The following CFAP20DC variants were observed in gnomAD, a reference collection of about 807,000 sequenced individuals.
The protein encoded by CFAP20DC is protein CFAP20DC.
In CFAP20DC, 84 loss-of-function variants were observed where a neutral mutation model predicts 101.7. The observed-to-expected ratio is 0.83, with a 90% CI of 0.69 to 0.99. The LOEUF (loss-of-function observed/expected upper bound fraction) is 0.99. Ranked by LOEUF, CFAP20DC falls within the 50% of genes least tolerant of loss-of-function variation. The probability of loss-of-function intolerance (pLI) is 0.00; values close to 1 mark genes in which losing one functional copy is unlikely to be tolerated. For missense variants in CFAP20DC, 1,007 were observed against 970.3 expected (o/e 1.04, Z -0.50); for synonymous variants, 359 against 351.2 (o/e 1.02, Z -0.25).
intron 13 of CFAP20DC, among the ~76,000 whole-genome samples, chr3:58,838,595 TA>T (rs1453457785): frequency 6.6e-6 from 1 of 152,088 alleles, no homozygotes; most frequent in Admixed American, 6.5e-5. Context: ...AAAGGTTTTG[TA>T]AAAAAAGATC....
intron 4 of CFAP20DC, among the ~76,000 whole-genome samples, chr3:59,009,173 C>G (rs1201392459): frequency 6.6e-6 from 1 of 152,062 alleles, no homozygotes; most frequent in Non-Finnish European, 1.5e-5. Flanking sequence ...TAAAAAACCA[C>G]AGTCCAACCA....
chr3:58,920,968 G>A (rs951956629), intron 5 of CFAP20DC, among the ~76,000 whole-genome samples: 3 of 152,000 alleles, frequency 2.0e-5, no homozygotes, highest in South Asian at 4.1e-4. Flanking sequence ...ATAGTTATAA[G>A]GCTATCCACA....
At chr3:58,839,869 T>G (rs2108157591) in intron 13 of CFAP20DC, among the ~76,000 whole-genome samples, 1 of 152,340 alleles carries the variant, frequency 6.6e-6, no homozygotes, top group South Asian at 2.1e-4. Flanking sequence ...TAGTGACTAC[T>G]GCTATTCCAT....
In CFAP20DC at chr3:58,821,763, A is replaced by G. The variant is rs1450259410; in HGVS notation, c.2175+9923T>C. Among the ~76,000 whole-genome samples, 1,421 of 149,100 alleles carry G rather than the reference A, an allele frequency of 9.5e-3. 24 individuals carry two copies. The highest frequency in any genetic ancestry group is 0.033 in the African/African-American group (1,312 of 39,918). On this transcript the variant is annotated intron_variant, in intron 14 of 16. Coordinates refer to ENST00000482387, the MANE Select transcript of CFAP20DC (RefSeq NM_001394063.1). ...GATTCCTCAGGGATCTAGAACTAGAAATACCATTTGACCCAGCCATCCCAT... is the reference window on the plus strand; with the variant it reads ...GATTCCTCAGGGATCTAGAACTAGAGATACCATTTGACCCAGCCATCCCAT...
chr3:58,742,554 A>C lies in CFAP20DC; in HGVS notation c.2351T>G (p.Val784Gly). Residue 784 changes from valine to glycine, a missense_variant, in exon 17 of 17, where the codon GTG becomes GGG. Val to Gly is a moderately radical substitution (Grantham distance 109, BLOSUM62 -3). Coordinates refer to ENST00000482387, the MANE Select transcript of CFAP20DC (RefSeq NM_001394063.1). The part of the protein sequence containing the change: ...LSVQGEEDLS[V>G]EEDEEVLTLL... ...AGTCAGTACTTCCTCGTCCTCTTCC[A>C]CACTGAGGTCTTCTTCACCTGTGGG... 6.2e-7 allele frequency: 1 copy of C among 1,602,690 alleles called. No individual in the cohort carries two copies. Among genetic ancestry groups the C allele is most frequent in the Non-Finnish European group, 8.5e-7 (1 of 1,174,234 alleles).
chr3:58,912,600 C>A lies in CFAP20DC; in HGVS notation c.550+1108G>T, dbSNP rs1275814899. ...CTTATATGCAGCCCTGCTTCCTGGA[C>A]TTCTAGAAGAATTGATTTAACAAAT... On this transcript the variant is annotated intron_variant, in intron 6 of 16. Coordinates refer to ENST00000482387, the MANE Select transcript of CFAP20DC (RefSeq NM_001394063.1). The surrounding 1 kb of genome is among the most constrained non-coding windows in gnomAD (Gnocchi z 4.4). 2.5e-6 allele frequency: 1 copy of A among 403,288 alleles called. No individual in the cohort carries two copies. Among genetic ancestry groups the A allele is most frequent in the East Asian group, 7.2e-5 (1 of 13,892 alleles). The allele number at this position is 403,288 out of a possible 1,614,324, so 25.0% of individuals were successfully genotyped here. A position where few individuals can be genotyped will look rare whatever the true frequency, so the allele number is the denominator to read the frequency against.
At chr3:58,747,631 CATACTAAT>C (rs2068297603) in intron 16 of CFAP20DC, among the ~76,000 whole-genome samples, 1 of 152,090 alleles carries the variant, frequency 6.6e-6, no homozygotes, top group Non-Finnish European at 1.5e-5. Context: ...TTTTTATGTG[CATACTAAT>C]ACACTATTGT....
chr3:59,026,633 C>G (rs971417474), intron 4 of CFAP20DC, among the ~76,000 whole-genome samples: 2 of 152,016 alleles, frequency 1.3e-5, no homozygotes, highest in African/African-American at 4.8e-5. Context: ...TGAGGAAGAC[C>G]GATGACATAT....
intron 13 of CFAP20DC, among the ~76,000 whole-genome samples, chr3:58,837,496 G>A (rs1302773934): frequency 1.3e-5 from 2 of 152,130 alleles, no homozygotes; most frequent in Non-Finnish European, 2.9e-5. Flanking sequence ...GGCTTCTGGG[G>A]TACTGATCTT....
chr3:59,000,877 A>C (rs1343119339), intron 4 of CFAP20DC, among the ~76,000 whole-genome samples: 1 of 152,234 alleles, frequency 6.6e-6, no homozygotes, highest in Non-Finnish European at 1.5e-5. Flanking sequence ...GAAAAATATC[A>C]CAGTTTGGAA....
At chr3:58,988,877 G>A (rs1469353725) in intron 4 of CFAP20DC, among the ~76,000 whole-genome samples, 1 of 151,988 alleles carries the variant, frequency 6.6e-6, no homozygotes, top group Non-Finnish European at 1.5e-5. Flanking sequence ...ATGATAATTT[G>A]CCAAGAGACC....
At chr3:58,936,783 G>A (rs1282602684) in intron 5 of CFAP20DC, among the ~76,000 whole-genome samples, 6 of 152,110 alleles carry the variant, frequency 3.9e-5, no homozygotes, top group African/African-American at 1.2e-4. Context: ...GTGGGGTTAG[G>A]GGACGGGGAG....
chr3:58,812,867 T>G (rs943954968), intron 14 of CFAP20DC, among the ~76,000 whole-genome samples: 2 of 151,882 alleles, frequency 1.3e-5, no homozygotes, highest in Non-Finnish European at 2.9e-5. Flanking sequence ...TTAAAGTTCA[T>G]GTATTGAAAT....
intron 4 of CFAP20DC, chr3:59,018,970 T>A (rs1015240945): frequency 6.6e-6 from 1 of 152,052 alleles, no homozygotes; most frequent in South Asian, 2.1e-4. Context: ...AGAAAAACTG[T>A]AAAGGCAAAT....
intron 14 of CFAP20DC, among the ~76,000 whole-genome samples, chr3:58,825,538 A>ACACACAC (rs2075982570): frequency 2.7e-5 from 4 of 149,712 alleles, no homozygotes; most frequent in Non-Finnish European, 4.5e-5. Flanking sequence ...AAAAAAAGAA[A>ACACACAC]ACACACACAC....
chr3:58,936,672 G>A (rs2087684713), intron 5 of CFAP20DC, among the ~76,000 whole-genome samples: 1 of 152,130 alleles, frequency 6.6e-6, no homozygotes, highest in East Asian at 1.9e-4. Context: ...ACTATCGCAA[G>A]GACGGAAAAC....
chr3:58,810,914 G>T (rs9864913), intron 14 of CFAP20DC, among the ~76,000 whole-genome samples: 1 of 151,184 alleles, frequency 6.6e-6, no homozygotes, highest in Admixed American at 6.6e-5. Context: ...CCAATAACAG[G>T]CAAACAGAGA....
intron 3 of CFAP20DC, among the ~76,000 whole-genome samples, chr3:58,736,081 A>T (rs2067748190): frequency 6.6e-6 from 1 of 152,214 alleles, no homozygotes; most frequent in South Asian, 2.1e-4. Context: ...AGATATTATA[A>T]GTATACTGTC....
intron 16 of CFAP20DC, among the ~76,000 whole-genome samples, chr3:58,750,963 A>G (rs1056313138): frequency 6.6e-5 from 10 of 152,192 alleles, no homozygotes; most frequent in African/African-American, 2.4e-4. Flanking sequence ...TACCAAATAT[A>G]CCAAAAAAAT....
Sources: gnomAD v4.1 joint callset for allele counts (sites outside exome capture counted in the v4.1 genomes callset) on GRCh38, gnomAD v4.1.1 for gene constraint, Gnocchi (gnomAD v3.1) non-coding constraint, MANE v1.5 for transcripts, NCBI Gene and HGNC (gene_info 2026-07-23, HGNC 2026-07-21) for gene names.